The following LRRC3B variants were observed in gnomAD, a reference collection of about 807,000 sequenced individuals.
LRRC3B encodes the protein leucine rich repeat containing 3B, also known as leucine-rich repeat-containing protein 3B.
In LRRC3B, 2 loss-of-function variants were observed where a neutral mutation model predicts 12.8. That is an observed-to-expected ratio of 0.16 (90% CI 0.06 to 0.49). The LOEUF is 0.49. Ranked by LOEUF, LRRC3B falls within the 20% of genes least tolerant of loss-of-function variation. LRRC3B has a pLI of 0.96. For missense variants in LRRC3B, 189 were observed against 319.4 expected (o/e 0.59, Z 3.11); for synonymous variants, 132 against 122.0 (o/e 1.08, Z -0.54).
intron 1 of LRRC3B, among the ~76,000 whole-genome samples, chr3:26,666,566 A>G (rs566176399): frequency 3.3e-4 from 50 of 152,290 alleles, no homozygotes; most frequent in Non-Finnish European, 5.4e-4. Flanking sequence ...TTAGAAATTT[A>G]GAATAGTTTT....
intron 1 of LRRC3B, among the ~76,000 whole-genome samples, chr3:26,700,724 G>GCTGTAAA (rs889967882): frequency 6.6e-6 from 1 of 152,170 alleles, no homozygotes; most frequent in Admixed American, 6.6e-5. Context: ...AAAAAAATTA[G>GCTGTAAA]AGTTTAGCTG....
At chr3:26,664,591 G>T (rs144884237) in intron 1 of LRRC3B, among the ~76,000 whole-genome samples, 10 of 152,240 alleles carry the variant, frequency 6.6e-5, no homozygotes, top group Non-Finnish European at 1.3e-4. Context: ...CTATGAAATT[G>T]AATTATTAGG....
intron 1 of LRRC3B, among the ~76,000 whole-genome samples, chr3:26,637,412 G>C (rs1320287784): frequency 2.0e-5 from 3 of 152,150 alleles, no homozygotes; most frequent in Non-Finnish European, 4.4e-5. Flanking sequence ...GGCTTTCTCA[G>C]GTGAAATTGT....
intron 1 of LRRC3B, among the ~76,000 whole-genome samples, chr3:26,659,905 T>C (rs768996791): frequency 2.0e-5 from 3 of 152,198 alleles, no homozygotes; most frequent in African/African-American, 4.8e-5. Flanking sequence ...TTTGGAAAGG[T>C]GTTTCATGAG....
exon 2 of LRRC3B, chr3:26,710,004 T>A (rs1170416847): frequency 6.2e-7 from 1 of 1,613,746 alleles, no homozygotes; most frequent in Non-Finnish European, 8.5e-7. Context: ...TTCAAAGGAG[T>A]AGCTGAAACC....
intron 1 of LRRC3B, among the ~76,000 whole-genome samples, chr3:26,657,660 C>CT (rs976747063): frequency 1.3e-4 from 20 of 150,384 alleles, no homozygotes; most frequent in South Asian, 2.1e-4. Flanking sequence ...TCCTTTTCCT[C>CT]TTTTTTTTTT....
chr3:26,672,046 T>G (rs1457939799), intron 1 of LRRC3B, among the ~76,000 whole-genome samples: 1 of 152,232 alleles, frequency 6.6e-6, no homozygotes, highest in Non-Finnish European at 1.5e-5. Context: ...ACGTGTTCTC[T>G]GCACCTCAAC....
chr3:26,645,578 G>A (rs1053518475), intron 1 of LRRC3B, among the ~76,000 whole-genome samples: 1 of 151,890 alleles, frequency 6.6e-6, no homozygotes, highest in Non-Finnish European at 1.5e-5. Context: ...ATATACACAT[G>A]TATAATTTTC....
intron 1 of LRRC3B, among the ~76,000 whole-genome samples, chr3:26,643,678 G>C (rs1699082127): frequency 6.6e-6 from 1 of 152,202 alleles, no homozygotes; most frequent in Non-Finnish European, 1.5e-5. Context: ...ATCACTGTCA[G>C]AGTTTGGCTG....
chr3:26,684,063 T>C (rs1363685881), intron 1 of LRRC3B, among the ~76,000 whole-genome samples: 2 of 152,228 alleles, frequency 1.3e-5, no homozygotes, highest in East Asian at 3.8e-4. Flanking sequence ...TCAGCCAATT[T>C]AGATGATTTG....
chr3:26,707,777 T>A (rs1420560347), intron 1 of LRRC3B, among the ~76,000 whole-genome samples: 3 of 25,848 alleles, frequency 1.2e-4, no homozygotes, highest in Non-Finnish European at 1.8e-4. Flanking sequence ...TCCACACCTG[T>A]TTTTTTTTTT....
chr3:26,627,005 A>G lies in LRRC3B; in HGVS notation c.-161+3768A>G, dbSNP rs552441331. On this transcript the variant is annotated intron_variant, in intron 1 of 1. Coordinates refer to ENST00000396641, the Ensembl canonical transcript of LRRC3B. ...TCTCCTGGATTCTTGACTTTTCATTAAAGTTTATGCTGATGTAAAGCTGAG... is the reference window on the plus strand; with the variant it reads ...TCTCCTGGATTCTTGACTTTTCATTGAAGTTTATGCTGATGTAAAGCTGAG... Among the ~76,000 whole-genome samples the G allele has an allele frequency of 2.1e-3, 317 of 152,338 alleles. 2 individuals are homozygous for G. The highest frequency in any genetic ancestry group is 7.3e-3 in the African/African-American group (305 of 41,578).
intron 1 of LRRC3B, among the ~76,000 whole-genome samples, chr3:26,684,560 A>G (rs1321414291): frequency 6.6e-6 from 1 of 152,232 alleles, no homozygotes; most frequent in African/African-American, 2.4e-5. Flanking sequence ...GAGAAGTCCA[A>G]GATCTAGGTG....
At chr3:26,651,590 A>G (rs1289360519) in intron 1 of LRRC3B, among the ~76,000 whole-genome samples, 1 of 151,722 alleles carries the variant, frequency 6.6e-6, no homozygotes, top group Non-Finnish European at 1.5e-5. Flanking sequence ...CTCAATAAAT[A>G]TCTGTTGAAT....
chr3:26,667,208 T>C lies in LRRC3B; in HGVS notation c.-160-42305T>C, dbSNP rs115193615. Among the ~76,000 whole-genome samples the C allele has an allele frequency of 5.8e-4, 88 of 151,814 alleles. 1 individual carries two copies. Among genetic ancestry groups the C allele is most frequent in the African/African-American group, 2.1e-3 (86 of 41,372 alleles). Reference sequence around the variant, plus strand: ...GGGAGATTTGATGAGGATGCTAGCCTTCTAAGTGAATTTTGAAAATCACTA... The same window carrying C: ...GGGAGATTTGATGAGGATGCTAGCCCTCTAAGTGAATTTTGAAAATCACTA... On this transcript the variant is annotated intron_variant, in intron 1 of 1. Transcript: ENST00000396641.
intron 1 of LRRC3B, among the ~76,000 whole-genome samples, chr3:26,628,476 A>G (rs968302156): frequency 1.3e-5 from 2 of 149,248 alleles, no homozygotes; most frequent in African/African-American, 4.9e-5. Context: ...ACCCTTATTG[A>G]TTTTATTTAA....
At chr3:26,695,433 AGGAGAATGGCGTGAAACC>A (rs1700290129) in intron 1 of LRRC3B, among the ~76,000 whole-genome samples, 1 of 152,086 alleles carries the variant, frequency 6.6e-6, no homozygotes, top group Admixed American at 6.6e-5. Flanking sequence ...AGGCCGAGGC[AGGAGAATGGCGTGAAACC>A]GGGAGGCGGA....
At chr3:26,633,470 G>T (rs1230928095) in intron 1 of LRRC3B, among the ~76,000 whole-genome samples, 1 of 152,146 alleles carries the variant, frequency 6.6e-6, no homozygotes, top group Non-Finnish European at 1.5e-5. Flanking sequence ...ATTATTGATT[G>T]CTTACAGTGT....
At chr3:26,681,055 G>A (rs1195172179) in intron 1 of LRRC3B, among the ~76,000 whole-genome samples, 1 of 152,174 alleles carries the variant, frequency 6.6e-6, no homozygotes, top group Non-Finnish European at 1.5e-5. Flanking sequence ...GTGGTCTGGA[G>A]TAGGCTTTTT....
Sources: gnomAD v4.1 joint callset for allele counts (sites outside exome capture counted in the v4.1 genomes callset) on GRCh38, gnomAD v4.1.1 for gene constraint, MANE v1.5 for transcripts, NCBI Gene and HGNC (gene_info 2026-07-23, HGNC 2026-07-21) for gene names.